AMOTL1: variants seen among roughly 807,000 people sequenced by gnomAD.
The protein encoded by AMOTL1 is angiomotin-like protein 1.
Under a neutral mutation model 102.9 loss-of-function variants are expected in AMOTL1, and 45 were observed. The observed-to-expected ratio is 0.44, with a 90% confidence interval of 0.34 to 0.56. AMOTL1 has a LOEUF of 0.56. Among genes scored for constraint, AMOTL1 ranks in the 20% least tolerant of loss-of-function variants. The pLI is 0.01. For missense variants in AMOTL1, 1,114 were observed against 1,225.6 expected, an observed-to-expected ratio of 0.91 and a Z score of 1.36; for synonymous variants, 481 against 484.7, an observed-to-expected ratio of 0.99 and a Z score of 0.10.
chr11:94,800,920 A>C (rs937014711), intron 3 of AMOTL1, among the ~76,000 whole-genome samples: 4 of 152,204 alleles, frequency 2.6e-5, no homozygotes, highest in African/African-American at 9.6e-5. Flanking sequence ...GTATTCTTCC[A>C]GTTGATTGAT....
intron 1 of AMOTL1, among the ~76,000 whole-genome samples, chr11:94,778,889 G>A (rs533544262): frequency 9.9e-5 from 15 of 152,254 alleles, no homozygotes; most frequent in Admixed American, 2.0e-4. Flanking sequence ...TTATAGGATC[G>A]GGCTAGTTAG....
intron 3 of AMOTL1, among the ~76,000 whole-genome samples, chr11:94,808,660 C>T (rs893123609): frequency 6.6e-6 from 1 of 152,166 alleles, no homozygotes; most frequent in African/African-American, 2.4e-5. Flanking sequence ...CTGGAACTGG[C>T]TCTCCAGAAC....
intron 2 of AMOTL1, among the ~76,000 whole-genome samples, chr11:94,798,565 G>A (rs141734102): frequency 1.4e-4 from 21 of 152,142 alleles, no homozygotes; most frequent in Admixed American, 1.1e-3. Context: ...CAGGGCCATC[G>A]TCTGGCAGTT....
At chr11:94,847,248 C>G (rs532454606) in intron 6 of AMOTL1, among the ~76,000 whole-genome samples, 3 of 152,300 alleles carry the variant, frequency 2.0e-5, no homozygotes, top group Admixed American at 6.5e-5. Flanking sequence ...ATGGTCAGTA[C>G]CAGCCATCTG....
chr11:94,768,626 G>T lies in AMOTL1; in HGVS notation c.49+66G>T, dbSNP rs370467655. 544 of 1,552,710 alleles carry T rather than the reference G, an allele frequency of 3.5e-4. 2 individuals carry two copies. In the African/African-American group the frequency reaches 6.6e-3, roughly 19 times the overall value. On this transcript the variant is annotated intron_variant, in intron 1 of 12. Transcript: ENST00000433060. ...AGTCTCCCACGCGAAGAACCCAGTC[G>T]CCCCGGGCTCCCCGGGCCCCTGCTG...
At chr11:94,758,357 G>A (rs1471910198) in intron 3 of AMOTL1, among the ~76,000 whole-genome samples, 1 of 152,160 alleles carries the variant, frequency 6.6e-6, no homozygotes, top group Non-Finnish European at 1.5e-5. Context: ...TCAGTGTTTT[G>A]TTTAGCTACA....
chr11:94,859,667 C>T lies in AMOTL1; in HGVS notation c.2087C>T (p.Thr696Ile), dbSNP rs868519826. ...KWEQKYLEES[T>I]IRHFAMNAAA... ...GAGCAGAAGTACCTGGAGGAGAGCA[C>T]CATCCGACACTTTGCCATGAATGCC... The change falls in exon 9 of 13, where the codon ACC becomes ATC. Residue 696 changes from threonine to isoleucine, a missense_variant. Coordinates refer to ENST00000433060, the MANE Select transcript of AMOTL1 (RefSeq NM_130847.3). The T allele has an allele frequency of 1.2e-6, 2 of 1,612,726 alleles. No homozygotes were observed. The highest frequency in any genetic ancestry group is 1.7e-6 in the Non-Finnish European group (2 of 1,179,378).
chr11:94,801,757 T>A (rs1323463260), intron 3 of AMOTL1, among the ~76,000 whole-genome samples: 1 of 152,168 alleles, frequency 6.6e-6, no homozygotes, highest in African/African-American at 2.4e-5. Context: ...CGAATCAAAC[T>A]CTCAGGAGAG....
Position 94,865,377 on chromosome 11 carries a change from C to T in AMOTL1, c.2261+517C>T, listed in dbSNP as rs766622935. On this transcript the variant is annotated intron_variant, in intron 10 of 12. Transcript: ENST00000433060. ...CTAAGGGCTTGTGGAACCCTGGGAGCCCTAGGCCTCTTATTTTGCAGATGT... is the reference window on the plus strand; with the variant it reads ...CTAAGGGCTTGTGGAACCCTGGGAGTCCTAGGCCTCTTATTTTGCAGATGT... Among the ~76,000 whole-genome samples the T allele has an allele frequency of 3.9e-5, 6 of 152,158 alleles. No homozygotes were observed. In the East Asian group the frequency reaches 9.6e-4, roughly 24 times the overall value.
chr11:94,720,829 AG>A (rs1186440782), intron 1 of AMOTL1, among the ~76,000 whole-genome samples: 4 of 152,108 alleles, frequency 2.6e-5, no homozygotes, highest in Non-Finnish European at 4.4e-5. Context: ...GAGCAGAAGA[AG>A]AAATGGGGTG....
chr11:94,808,965 C>CTTTTTTTTTTTTTT (rs199619372), intron 3 of AMOTL1, among the ~76,000 whole-genome samples: 83 of 111,902 alleles, frequency 7.4e-4, no homozygotes, highest in Non-Finnish European at 1.1e-3. Flanking sequence ...TTCTTTCTTT[C>CTTTTTTTTTTTTTT]TTTTTTTTTT....
intron 1 of AMOTL1, among the ~76,000 whole-genome samples, chr11:94,720,239 A>G (rs987028206): frequency 6.6e-6 from 1 of 152,202 alleles, no homozygotes; most frequent in Non-Finnish European, 1.5e-5. Context: ...GTGGAAGGCA[A>G]TTGTGTTGAA....
At chr11:94,740,044 A>T (rs749522949) in intron 2 of AMOTL1, among the ~76,000 whole-genome samples, 1 of 152,126 alleles carries the variant, frequency 6.6e-6, no homozygotes, top group Non-Finnish European at 1.5e-5. Flanking sequence ...TAATGATGTC[A>T]CGCATAAATT....
At chr11:94,820,118 G>C (rs942299289) in intron 3 of AMOTL1, among the ~76,000 whole-genome samples, 3 of 152,134 alleles carry the variant, frequency 2.0e-5, no homozygotes, top group African/African-American at 7.2e-5. Context: ...TTCATTAAAT[G>C]GTGCCCCTAT....
In AMOTL1 at chr11:94,869,176, A is replaced by G. The variant is rs779196266; in HGVS notation, c.2489-22A>G. 3.0e-5 allele frequency: 46 copies of G among 1,540,792 alleles called. 1 individual carries two copies. The African/African-American group carries it at 6.0e-4, about 20-fold the overall frequency. On this transcript the variant is annotated intron_variant, in intron 11 of 12. Transcript: ENST00000433060. ...AAAAAAAGGAAAAAAAGAATGTTGA[A>G]AAATCTGTTCTCTGCCCTCAGGATT...
chr11:94,858,123 A>G (rs1952703671), intron 8 of AMOTL1, among the ~76,000 whole-genome samples: 2 of 152,128 alleles, frequency 1.3e-5, no homozygotes, highest in African/African-American at 2.4e-5. Context: ...ACAAGCATAG[A>G]TGGCAGCTTA....
chr11:94,767,397 G>A (rs1950867819), upstream of AMOTL1, among the ~76,000 whole-genome samples: 1 of 152,124 alleles, frequency 6.6e-6, no homozygotes, highest in South Asian at 2.1e-4. Flanking sequence ...AAAACTGCTG[G>A]CAGTCTAGTT....
chr11:94,854,126 A>C, intron 8 of AMOTL1, 44 bp downstream of exon 8: 1 of 1,480,770 alleles, frequency 6.8e-7, no homozygotes, highest in South Asian at 1.4e-5. Context: ...AGATATGTTC[A>C]CTCAGCAAAC....
upstream of AMOTL1, among the ~76,000 whole-genome samples, chr11:94,765,477 G>A (rs997511807): frequency 1.3e-5 from 2 of 152,138 alleles, no homozygotes; most frequent in African/African-American, 4.8e-5. Flanking sequence ...TGAAAAGATT[G>A]TTTTCTGCAT....
Sources: gnomAD v4.1 joint callset for allele counts (sites outside exome capture counted in the v4.1 genomes callset) on GRCh38, gnomAD v4.1.1 for gene constraint, MANE v1.5 for transcripts, NCBI Gene and HGNC (gene_info 2026-07-23, HGNC 2026-07-21) for gene names.